The following BABAM2 variants were observed in gnomAD, a reference collection of about 807,000 sequenced individuals.
BABAM2 encodes the protein BRISC and BRCA1-A complex member 2.
BABAM2 carries 31 observed loss-of-function variants against 54.7 expected under a neutral mutation model. The ratio of observed to expected loss-of-function variants is 0.57; its 90% CI spans 0.43 to 0.77. The LOEUF is 0.77. BABAM2 is among the 30% of genes least tolerant of loss of function. The probability of loss-of-function intolerance (pLI) is 0.00; values close to 1 mark genes in which losing one functional copy is unlikely to be tolerated. For synonymous variants in BABAM2, 167 were observed against 162.9 expected, an observed-to-expected ratio of 1.03 and a Z score of -0.19; for missense variants, 364 against 455.8, an observed-to-expected ratio of 0.80 and a Z score of 1.83.
At chr2:28,268,439 G>A (rs1573967938) in intron 10 of BABAM2, among the ~76,000 whole-genome samples, 1 of 152,318 alleles carries the variant, frequency 6.6e-6, no homozygotes, top group East Asian at 1.9e-4. Flanking sequence ...TGTTCTGAGA[G>A]GGAGCATAGA....
chr2:28,150,287 TTCCAAGTCTCATGTTCTA>T (rs1343946198), intron 7 of BABAM2, among the ~76,000 whole-genome samples: 1 of 152,234 alleles, frequency 6.6e-6, no homozygotes, highest in Non-Finnish European at 1.5e-5. Context: ...CCTTCTCTGA[TTCCAAGTCTCATGTTCTA>T]TCTGCTGTCC....
chr2:28,313,363 T>A (rs1689245858), intron 11 of BABAM2, among the ~76,000 whole-genome samples: 1 of 152,170 alleles, frequency 6.6e-6, no homozygotes, highest in Non-Finnish European at 1.5e-5. Flanking sequence ...AGGCTGCACA[T>A]TGAGAAGAGG....
At chr2:27,990,937 C>T (rs569017506) in intron 4 of BABAM2, among the ~76,000 whole-genome samples, 2 of 152,070 alleles carry the variant, frequency 1.3e-5, no homozygotes, top group Admixed American at 1.3e-4. Flanking sequence ...TGTGATCCAT[C>T]CAATGAGGCC....
chr2:27,974,133 C>G (rs1671416554), intron 3 of BABAM2, among the ~76,000 whole-genome samples: 1 of 152,084 alleles, frequency 6.6e-6, no homozygotes, highest in Non-Finnish European at 1.5e-5. Flanking sequence ...CAAAAAGTCA[C>G]CAATTTTATG....
chr2:28,026,848 A>G (rs1675767026), intron 5 of BABAM2, among the ~76,000 whole-genome samples: 1 of 42,224 alleles, frequency 2.4e-5, no homozygotes, highest in African/African-American at 9.3e-5. Flanking sequence ...ATATAAATAT[A>G]TATTTATATA....
chr2:28,235,063 C>T (rs746625330), intron 7 of BABAM2, among the ~76,000 whole-genome samples: 2 of 152,230 alleles, frequency 1.3e-5, no homozygotes, highest in Non-Finnish European at 1.5e-5. Context: ...TTTTAGGTAA[C>T]ATCTGAGTAG....
intron 6 of BABAM2, among the ~76,000 whole-genome samples, chr2:28,062,029 CAG>C (rs779710200): frequency 2.0e-5 from 3 of 152,042 alleles, no homozygotes; most frequent in Non-Finnish European, 2.9e-5. Flanking sequence ...GAGTCCAAGT[CAG>C]GGGATCACCT....
chr2:28,260,502 G>A (rs529942544), intron 10 of BABAM2, among the ~76,000 whole-genome samples: 26 of 150,338 alleles, frequency 1.7e-4, no homozygotes, highest in South Asian at 4.2e-4. Flanking sequence ...GGGTTTTGCC[G>A]TGTTAGCCAG....
chr2:28,175,074 C>G (rs1573753690), intron 7 of BABAM2, among the ~76,000 whole-genome samples: 1 of 152,208 alleles, frequency 6.6e-6, no homozygotes, highest in Non-Finnish European at 1.5e-5. Context: ...ACCATCCCAA[C>G]TAGCGGCAGA....
At chr2:28,112,150 C>CTTTCTTTCTTTCTTTCT (rs1558346816) in intron 6 of BABAM2, among the ~76,000 whole-genome samples, 2 of 1,870 alleles carry the variant, frequency 1.1e-3, no homozygotes, top group African/African-American at 4.4e-3. Context: ...TCTTTCTTTA[C>CTTTCTTTCTTTCTTTCT]CTCCCTCCCT....
intron 6 of BABAM2, among the ~76,000 whole-genome samples, chr2:28,097,338 G>T (rs776941933): frequency 3.3e-5 from 5 of 152,150 alleles, no homozygotes; most frequent in Non-Finnish European, 7.4e-5. Flanking sequence ...GTGGGCATGT[G>T]GGACTAGGAA....
chr2:27,918,246 C>A (rs1425465390), intron 2 of BABAM2, among the ~76,000 whole-genome samples: 1 of 152,198 alleles, frequency 6.6e-6, no homozygotes, highest in Admixed American at 6.5e-5. Flanking sequence ...ATTTCCCTCT[C>A]TCCTCAGCCC....
intron 2 of BABAM2, among the ~76,000 whole-genome samples, chr2:27,926,389 A>G (rs1359211583): frequency 6.6e-6 from 1 of 152,064 alleles, no homozygotes; most frequent in Admixed American, 6.5e-5. Flanking sequence ...CCCCAGATGT[A>G]CCAAGCTTGT....
chr2:28,114,195 T>G (rs1480419638), intron 6 of BABAM2, among the ~76,000 whole-genome samples: 1 of 152,090 alleles, frequency 6.6e-6, no homozygotes, highest in African/African-American at 2.4e-5. Flanking sequence ...GAGAAAGAAA[T>G]AAAGAGTATT....
intron 4 of BABAM2, among the ~76,000 whole-genome samples, chr2:28,013,729 ACG>A (rs1491210977): frequency 7.2e-6 from 1 of 138,310 alleles, no homozygotes; most frequent in African/African-American, 2.8e-5. Context: ...ACACACACAC[ACG>A]TGTGTGTGTG....
chr2:28,338,434 C>CCTT lies in BABAM2; in HGVS notation c.1089-12_1089-10dup, dbSNP rs757298703. On this transcript the variant is annotated splice_polypyrimidine_tract_variant and intron_variant, in intron 11 of 11. Transcript: ENST00000379624. ...GTGCTAACCACAATTTTTTTTCTCC[C>CCTT]CTTCTTTCCCACCAGGGCTTATTTC... 4 of 1,611,612 alleles carry CCTT rather than the reference C, an allele frequency of 2.5e-6. No homozygotes were observed. Among genetic ancestry groups the CCTT allele is most frequent in the Non-Finnish European group, 2.5e-6 (3 of 1,178,466 alleles).
chr2:27,892,014 A>T (rs900590460), intron 1 of BABAM2, among the ~76,000 whole-genome samples: 2 of 152,022 alleles, frequency 1.3e-5, no homozygotes, highest in Admixed American at 6.5e-5. Flanking sequence ...TTAAATTTTT[A>T]CTTTTTGTCT....
intron 7 of BABAM2, among the ~76,000 whole-genome samples, chr2:28,235,594 A>G (rs1681827495): frequency 6.6e-6 from 1 of 152,148 alleles, no homozygotes; most frequent in Admixed American, 6.5e-5. Context: ...ATTCACATAC[A>G]TACTCCCTGT....
intron 11 of BABAM2, among the ~76,000 whole-genome samples, chr2:28,324,015 G>C (rs1387424858): frequency 6.6e-6 from 1 of 152,156 alleles, no homozygotes; most frequent in Non-Finnish European, 1.5e-5. Flanking sequence ...AAAGCTACAC[G>C]ATGCAGATCC....
Sources: allele counts gnomAD v4.1 joint callset (sites outside exome capture counted in the v4.1 genomes callset), GRCh38; gene constraint gnomAD v4.1.1; transcripts MANE v1.5; gene names NCBI Gene and HGNC (gene_info 2026-07-23, HGNC 2026-07-21).